CNTN4: variants seen among roughly 807,000 people sequenced by gnomAD.
CNTN4 encodes contactin 4.
In CNTN4, 77 loss-of-function variants were observed where a neutral mutation model predicts 122.5. The observed-to-expected ratio is 0.63, with a 90% CI of 0.52 to 0.76. The LOEUF (loss-of-function observed/expected upper bound fraction) is 0.76, where lower values mean the gene tolerates loss of function less well. CNTN4 is among the 30% of genes least tolerant of loss of function. The pLI, the probability that CNTN4 is intolerant of heterozygous loss-of-function variation, is 0.00. For synonymous variants in CNTN4, 512 were observed against 447.0 expected (o/e 1.15, Z -1.83); for missense variants, 1,256 against 1,259.1 (o/e 1.00, Z 0.04).
intron 4 of CNTN4, among the ~76,000 whole-genome samples, chr3:2,655,029 A>G (rs777547786): frequency 2.6e-5 from 4 of 152,094 alleles, no homozygotes; most frequent in Non-Finnish European, 5.9e-5. Context: ...TCCCCAAATA[A>G]TTGTTTATGA....
intron 3 of CNTN4, among the ~76,000 whole-genome samples, chr3:2,570,412 A>G (rs1212974753): frequency 6.6e-6 from 1 of 152,216 alleles, no homozygotes; most frequent in African/African-American, 2.4e-5. Context: ...CCTGGCCTCA[A>G]GAGATCCTCC....
chr3:2,873,737 T>A (rs778382083), intron 8 of CNTN4, among the ~76,000 whole-genome samples: 1 of 152,334 alleles, frequency 6.6e-6, no homozygotes, highest in African/African-American at 2.4e-5. Flanking sequence ...CCTAGTGGGT[T>A]TTTGAACCCA....
intron 3 of CNTN4, among the ~76,000 whole-genome samples, chr3:2,476,435 T>C (rs1559588201): frequency 6.6e-6 from 1 of 152,200 alleles, no homozygotes; most frequent in South Asian, 2.1e-4. Flanking sequence ...AAAAATGGGG[T>C]CATGTATGTA....
intron 15 of CNTN4, among the ~76,000 whole-genome samples, chr3:3,029,952 G>T (rs1183912232): frequency 2.0e-5 from 3 of 152,110 alleles, no homozygotes; most frequent in African/African-American, 7.2e-5. Flanking sequence ...TGTATAGTTT[G>T]GAATGGGAAA....
chr3:2,781,842 A>G (rs986810379), intron 6 of CNTN4, among the ~76,000 whole-genome samples: 3 of 128,736 alleles, frequency 2.3e-5, no homozygotes, highest in African/African-American at 7.3e-5. Flanking sequence ...CTCCTGCCTC[A>G]GCCTCCCGAG....
At position 2,456,779 on chromosome 3, in the gene CNTN4, G is replaced by T. The variant is rs77173044; in HGVS notation, c.-88-114637G>T. On this transcript the variant is annotated intron_variant, in intron 3 of 24. Coordinates refer to ENST00000418658, the MANE Select transcript of CNTN4 (RefSeq NM_175607.3). The stretch of plus-strand genomic sequence containing the variant: ...TTTATCCATTCGTCTATCTATGGAC[G>T]CTTGAGTTGTTTCCACCTTTTGGCT... Among the ~76,000 whole-genome samples the T allele has an allele frequency of 6.2e-3, 937 of 152,056 alleles. 9 individuals carry two copies. Among genetic ancestry groups the T allele is most frequent in the African/African-American group, 0.022 (893 of 41,494 alleles).
intron 2 of CNTN4, among the ~76,000 whole-genome samples, chr3:2,164,776 A>G (rs952828825): frequency 5.9e-5 from 9 of 152,232 alleles, no homozygotes; most frequent in Admixed American, 2.6e-4. Context: ...CTCACCAGAC[A>G]CAGTTTGCTC....
At chr3:2,377,920 C>G (rs948272964) in intron 3 of CNTN4, among the ~76,000 whole-genome samples, 1 of 152,016 alleles carries the variant, frequency 6.6e-6, no homozygotes, top group African/African-American at 2.4e-5. Flanking sequence ...AGATAAAATA[C>G]CAATGTAAAG....
intron 14 of CNTN4, among the ~76,000 whole-genome samples, chr3:3,007,567 A>G (rs1696781981): frequency 1.3e-5 from 2 of 152,246 alleles, no homozygotes; most frequent in Admixed American, 6.5e-5. Context: ...CACCTAGGAA[A>G]TGAAGTTGCC....
At chr3:2,146,431 T>G (rs2035251165) in intron 2 of CNTN4, among the ~76,000 whole-genome samples, 1 of 152,080 alleles carries the variant, frequency 6.6e-6, no homozygotes. Context: ...TTCCAATTTA[T>G]TTTGCTATTA....
chr3:2,708,748 C>G (rs949213474), intron 4 of CNTN4, among the ~76,000 whole-genome samples: 43 of 30,802 alleles, frequency 1.4e-3, no homozygotes, highest in Non-Finnish European at 3.8e-3. Context: ...CACACACACA[C>G]ACACACACAC....
At chr3:2,590,205 A>G (rs1347778042) in intron 4 of CNTN4, among the ~76,000 whole-genome samples, 1 of 152,140 alleles carries the variant, frequency 6.6e-6, no homozygotes, top group East Asian at 1.9e-4. Flanking sequence ...CTCCATGGAG[A>G]ATCCCAAGTG....
At chr3:2,117,374 C>T (rs1276602713) in intron 2 of CNTN4, among the ~76,000 whole-genome samples, 1 of 152,202 alleles carries the variant, frequency 6.6e-6, no homozygotes, top group Non-Finnish European at 1.5e-5. Context: ...GGGCACACTA[C>T]CCTCCAGGAA....
chr3:2,857,438 C>G (rs2093628736), intron 7 of CNTN4, among the ~76,000 whole-genome samples: 1 of 152,122 alleles, frequency 6.6e-6, no homozygotes, highest in African/African-American at 2.4e-5. Flanking sequence ...AAATTTTTAA[C>G]AAATAGCTGA....
intron 4 of CNTN4, among the ~76,000 whole-genome samples, chr3:2,728,278 G>A (rs570322472): frequency 6.6e-6 from 1 of 152,336 alleles, no homozygotes; most frequent in African/African-American, 2.4e-5. Context: ...GATCCACAGA[G>A]ATGCTGCTGA....
At chr3:2,437,372 A>G (rs913119341) in intron 3 of CNTN4, among the ~76,000 whole-genome samples, 1 of 152,176 alleles carries the variant, frequency 6.6e-6, no homozygotes, top group African/African-American at 2.4e-5. Flanking sequence ...AGACTCAGTT[A>G]TCTTAATTTT....
chr3:2,438,136 A>T (rs1333863869), intron 3 of CNTN4, among the ~76,000 whole-genome samples: 1 of 152,116 alleles, frequency 6.6e-6, no homozygotes, highest in African/African-American at 2.4e-5. Context: ...CTTTCTTAAC[A>T]GTTTGTTCCC....
At chr3:2,759,560 T>A (rs770212350) in intron 6 of CNTN4, among the ~76,000 whole-genome samples, 35 of 152,174 alleles carry the variant, frequency 2.3e-4, no homozygotes, top group Non-Finnish European at 4.9e-4. Flanking sequence ...TTTTAGCTAT[T>A]ATGAATAATG....
intron 3 of CNTN4, among the ~76,000 whole-genome samples, chr3:2,388,353 A>G (rs1211830682): frequency 6.6e-6 from 1 of 152,232 alleles, no homozygotes; most frequent in Non-Finnish European, 1.5e-5. Flanking sequence ...ATGCATTGCC[A>G]TTCTCAGTGG....
Sources: gnomAD v4.1 joint callset for allele counts (sites outside exome capture counted in the v4.1 genomes callset) on GRCh38, gnomAD v4.1.1 for gene constraint, MANE v1.5 for transcripts, NCBI Gene and HGNC (gene_info 2026-07-23, HGNC 2026-07-21) for gene names.